SLC1A3: variants seen among roughly 807,000 people sequenced by gnomAD.
SLC1A3 encodes excitatory amino acid transporter 1.
In SLC1A3, 21 loss-of-function variants were observed where a neutral mutation model predicts 48.1. The ratio of observed to expected loss-of-function variants is 0.44; its 90% CI spans 0.31 to 0.63. The LOEUF (loss-of-function observed/expected upper bound fraction) is 0.63. SLC1A3 is among the 20% of genes least tolerant of loss of function. The pLI, the probability that SLC1A3 is intolerant of heterozygous loss-of-function variation, is 0.08. For synonymous variants in SLC1A3, 239 were observed against 251.4 expected, an observed-to-expected ratio of 0.95 and a Z score of 0.47; for missense variants, 546 against 689.0, an observed-to-expected ratio of 0.79 and a Z score of 2.32.
rs576958192 is a variant in SLC1A3, at chr5:36,624,563, C to T, written c.182-4887C>T. On this transcript the variant is annotated intron_variant, in intron 2 of 9. Transcript: ENST00000265113. The stretch of plus-strand genomic sequence containing the variant: ...TGGATAACAATAATAGTCCTGGCCT[C>T]GATACAATGCGTGAGGCAATGTGCT... Among the ~76,000 whole-genome samples, 42 of 152,310 alleles carry T rather than the reference C, an allele frequency of 2.8e-4. 1 individual carries two copies. The highest frequency in any genetic ancestry group is 7.2e-4 in the Admixed American group (11 of 15,296).
intron 3 of SLC1A3, among the ~76,000 whole-genome samples, chr5:36,642,374 A>G (rs1740649319): frequency 6.6e-6 from 1 of 152,218 alleles, no homozygotes; most frequent in African/African-American, 2.4e-5. Context: ...TACTCAAAAC[A>G]TACTTGCTGC....
intron 3 of SLC1A3, among the ~76,000 whole-genome samples, chr5:36,632,580 A>C (rs1201424524): frequency 1.3e-5 from 2 of 152,240 alleles, no homozygotes; most frequent in African/African-American, 2.4e-5. Context: ...GTAAGAACTC[A>C]GAGGTCATGC....
intron 1 of SLC1A3, among the ~76,000 whole-genome samples, chr5:36,597,475 C>T (rs181813869): frequency 1.1e-4 from 17 of 152,080 alleles, no homozygotes; most frequent in Admixed American, 9.2e-4. Flanking sequence ...ATCTCCTGAC[C>T]TCGTGATCTG....
intron 3 of SLC1A3, among the ~76,000 whole-genome samples, chr5:36,664,991 G>A (rs1010018540): frequency 3.3e-5 from 5 of 152,110 alleles, no homozygotes; most frequent in South Asian, 2.1e-4. Flanking sequence ...CCACCTTGCC[G>A]GGAACTCATT....
intron 2 of SLC1A3, chr5:36,609,107 T>C (rs1021101790): frequency 6.1e-5 from 60 of 985,894 alleles, no homozygotes; most frequent in Non-Finnish European, 7.1e-5. Flanking sequence ...TTGCACTCTC[T>C]CACCCAGCAA....
chr5:36,640,973 C>T (rs1372522668), intron 3 of SLC1A3, among the ~76,000 whole-genome samples: 1 of 151,670 alleles, frequency 6.6e-6, no homozygotes, highest in Non-Finnish European at 1.5e-5. Context: ...TCTTTAATGC[C>T]CCAACACACA....
upstream of SLC1A3, among the ~76,000 whole-genome samples, chr5:36,605,915 G>A (rs1191996035): frequency 1.3e-5 from 2 of 152,214 alleles, no homozygotes; most frequent in African/African-American, 4.8e-5. Flanking sequence ...CAAATCTCAA[G>A]TGTACTTTGC....
intron 3 of SLC1A3, among the ~76,000 whole-genome samples, chr5:36,640,315 T>C (rs1740562746): frequency 6.6e-6 from 1 of 152,220 alleles, no homozygotes; most frequent in Admixed American, 6.5e-5. Flanking sequence ...TTTTGCTTCT[T>C]CATGGTGAAG....
At chr5:36,630,494 A>G (rs1740095241) in intron 3 of SLC1A3, 1 of 152,192 alleles carries the variant, frequency 6.6e-6, no homozygotes, top group Admixed American at 6.5e-5. Context: ...TAAAGCTCAG[A>G]ACTCAGGTAT....
intron 3 of SLC1A3, among the ~76,000 whole-genome samples, chr5:36,670,657 A>G (rs1741950897): frequency 6.6e-6 from 1 of 152,306 alleles, no homozygotes; most frequent in South Asian, 2.1e-4. Flanking sequence ...TTACACACAC[A>G]TGCACACAGG....
At chr5:36,660,268 G>A (rs978413772) in intron 3 of SLC1A3, among the ~76,000 whole-genome samples, 2 of 151,822 alleles carry the variant, frequency 1.3e-5, no homozygotes, top group East Asian at 1.9e-4. Context: ...TTCTCTATAC[G>A]CCTTCCTAGA....
chr5:36,677,170 A>G lies in SLC1A3; in HGVS notation c.846A>G (p.Val282=). 1 of 1,613,606 alleles carries G rather than the reference A, an allele frequency of 6.2e-7. No homozygotes were observed. Among genetic ancestry groups the G allele is most frequent in the Non-Finnish European group, 8.5e-7 (1 of 1,179,494 alleles). Residue 282 remains valine, a synonymous_variant, in exon 6 of 10, where the codon GTA becomes GTG. Transcript: ENST00000265113. ...TTAACGAAGCCATCATGAGACTGGTAGCAGTAATAATGTGGTATGTATTTC... is the reference window on the plus strand; with the variant it reads ...TTAACGAAGCCATCATGAGACTGGTGGCAGTAATAATGTGGTATGTATTTC... ...DSLNEAIMRL[V]AVIMWYAPVG...
At chr5:36,658,896 G>A (rs1469892290) in intron 3 of SLC1A3, among the ~76,000 whole-genome samples, 1 of 152,128 alleles carries the variant, frequency 6.6e-6, no homozygotes, top group East Asian at 1.9e-4. Context: ...TGACTCTCCA[G>A]TTCAATGAGA....
At chr5:36,646,149 C>T (rs149964550) in intron 3 of SLC1A3, among the ~76,000 whole-genome samples, 39 of 152,278 alleles carry the variant, frequency 2.6e-4, no homozygotes, top group African/African-American at 8.9e-4. Context: ...GCTAAAGATA[C>T]GTAAGTTTTT....
At chr5:36,644,974 G>A (rs556828927) in intron 3 of SLC1A3, among the ~76,000 whole-genome samples, 6 of 152,274 alleles carry the variant, frequency 3.9e-5, no homozygotes, top group Admixed American at 3.3e-4. Context: ...TAAAAGTGAA[G>A]TGCTGATAAC....
Position 36,679,652 on chromosome 5 carries a change from C to G in SLC1A3, c.886C>G (p.Leu296Val), listed in dbSNP as rs1420650225. Residue 296 changes from leucine to valine, a missense_variant, in exon 7 of 10, where the codon CTG becomes GTG. Transcript: ENST00000265113. ...GTATGCCCCCGTGGGTATTCTCTTC[C>G]TGATTGCTGGGAAGATTGTGGAGAT... ...MWYAPVGILF[L>V]IAGKIVEMED... 1 of 1,614,104 alleles carries G rather than the reference C, an allele frequency of 6.2e-7. No homozygotes were observed. Among genetic ancestry groups the G allele is most frequent in the Non-Finnish European group, 8.5e-7 (1 of 1,180,006 alleles).
intron 2 of SLC1A3, among the ~76,000 whole-genome samples, chr5:36,620,769 AAAT>A (rs1339068629): frequency 6.6e-6 from 1 of 152,214 alleles, no homozygotes; most frequent in Non-Finnish European, 1.5e-5. Flanking sequence ...CAGGCAGAGA[AAAT>A]AATAAACAAC....
At chr5:36,607,186 A>G (rs1738985431) in intron 1 of SLC1A3, 1 of 152,212 alleles carries the variant, frequency 6.6e-6, no homozygotes, top group South Asian at 2.1e-4. Flanking sequence ...AACTGTTAAG[A>G]CAAGTCTTTT....
At chr5:36,653,853 GTTTT>G (rs529185017) in intron 3 of SLC1A3, among the ~76,000 whole-genome samples, 1 of 152,176 alleles carries the variant, frequency 6.6e-6, no homozygotes, top group Non-Finnish European at 1.5e-5. Flanking sequence ...TTGTTTGTTT[GTTTT>G]GTTTTTGAGA....
Sources: gnomAD v4.1 joint callset for allele counts (sites outside exome capture counted in the v4.1 genomes callset) on GRCh38, gnomAD v4.1.1 for gene constraint, MANE v1.5 for transcripts, NCBI Gene and HGNC (gene_info 2026-07-23, HGNC 2026-07-21) for gene names.